The following SERTM1 variants were observed in gnomAD, a reference collection of about 807,000 sequenced individuals.
The protein encoded by SERTM1 is serine rich and transmembrane domain containing 1, also known as serine-rich and transmembrane domain-containing protein 1.
Under a neutral mutation model 5.5 loss-of-function variants are expected in SERTM1, and 1 was observed. The observed-to-expected ratio is 0.18, with a 90% CI of 0.06 to 0.86. SERTM1 has a LOEUF of 0.86. SERTM1 is among the 40% of genes least tolerant of loss of function. The pLI, the probability that SERTM1 is intolerant of heterozygous loss-of-function variation, is 0.69. For missense variants in SERTM1, 91 were observed against 122.4 expected (o/e 0.74, Z 1.21); for synonymous variants, 52 against 55.1 (o/e 0.94, Z 0.25).
intron 1 of SERTM1, among the ~76,000 whole-genome samples, chr13:36,676,986 A>G (rs1215854016): frequency 6.6e-6 from 1 of 152,096 alleles, no homozygotes; most frequent in African/African-American, 2.4e-5. Context: ...CCAACCTTTG[A>G]TTTAGAATTC....
chr13:36,695,452 C>A lies in SERTM1; in HGVS notation c.*50C>A, dbSNP rs376924386. Reference sequence around the variant, plus strand: ...TGGCAGCAGTTTTGACATCCCCTTACGGAAGTGTCCCGTGAGGCATTGCCT... The same window carrying A: ...TGGCAGCAGTTTTGACATCCCCTTAAGGAAGTGTCCCGTGAGGCATTGCCT... On this transcript the variant is annotated 3_prime_UTR_variant, in exon 2 of 2. Coordinates refer to ENST00000315190, the MANE Select transcript of SERTM1 (RefSeq NM_203451.3). 9 of 1,382,030 alleles carry A rather than the reference C, an allele frequency of 6.5e-6. No homozygotes were observed. The South Asian group carries it at 8.8e-5, about 14-fold the overall frequency. 85.6% of individuals were successfully genotyped at this position (1,382,030 alleles called of 1,614,324 possible). A position where few individuals can be genotyped will look rare whatever the true frequency, so the allele number is the denominator to read the frequency against.
intron 1 of SERTM1, among the ~76,000 whole-genome samples, chr13:36,687,090 A>T (rs111710038): frequency 0.01 from 1,562 of 152,302 alleles, 27 homozygotes; most frequent in African/African-American, 0.036. Context: ...TATGCCAAAC[A>T]CTTGGCTAAT....
chr13:36,686,104 G>A (rs1272579882), intron 1 of SERTM1, among the ~76,000 whole-genome samples: 1 of 152,188 alleles, frequency 6.6e-6, no homozygotes, highest in African/African-American at 2.4e-5. Context: ...GGTGGTGGCA[G>A]GAGTAGAATT....
At chr13:36,680,068 C>A (rs1474006790) in intron 1 of SERTM1, among the ~76,000 whole-genome samples, 1 of 152,028 alleles carries the variant, frequency 6.6e-6, no homozygotes, top group Non-Finnish European at 1.5e-5. Flanking sequence ...TTCAAATATT[C>A]CAAAATCCAA....
At chr13:36,686,023 T>A (rs2056738773) in intron 1 of SERTM1, among the ~76,000 whole-genome samples, 1 of 152,216 alleles carries the variant, frequency 6.6e-6, no homozygotes, top group South Asian at 2.1e-4. Flanking sequence ...CCTCTGAAGA[T>A]GACTGATGAT....
intron 1 of SERTM1, among the ~76,000 whole-genome samples, chr13:36,678,661 C>T (rs1160396462): frequency 8.1e-6 from 1 of 124,000 alleles, no homozygotes; most frequent in Non-Finnish European, 1.8e-5. Context: ...TATCCTGGAA[C>T]TTAAAATAAA....
In SERTM1 at chr13:36,696,068, T is replaced by C. The variant is rs1221534008; in HGVS notation, c.*666T>C. On this transcript the variant is annotated 3_prime_UTR_variant, in exon 2 of 2. Transcript: ENST00000315190. Reference sequence around the variant, plus strand: ...TATGATGGAGCTTGTGATGTATTTCTGCCTCCTGGAGTTTTATTTTGTTTT... The same window carrying C: ...TATGATGGAGCTTGTGATGTATTTCCGCCTCCTGGAGTTTTATTTTGTTTT... 6.0e-6 allele frequency: 1 copy of C among 167,038 alleles called. No individual in the cohort carries two copies. The highest frequency in any genetic ancestry group is 1.5e-5 in the Non-Finnish European group (1 of 68,142). 10.3% of individuals were successfully genotyped at this position (167,038 alleles called of 1,614,324 possible). A position where few individuals can be genotyped will look rare whatever the true frequency, so the allele number is the denominator to read the frequency against.
intron 1 of SERTM1, among the ~76,000 whole-genome samples, chr13:36,689,023 C>CAT (rs10646593): frequency 0.04 from 6,102 of 152,124 alleles, 438 homozygotes; most frequent in African/African-American, 0.14. Flanking sequence ...TTGTAAACAC[C>CAT]ATAAAAGAAT....
Position 36,696,884 on chromosome 13 carries a change from T to C in SERTM1, c.*1482T>C, listed in dbSNP as rs1000924065. On this transcript the variant is annotated 3_prime_UTR_variant, in exon 2 of 2. Coordinates refer to ENST00000315190, the MANE Select transcript of SERTM1 (RefSeq NM_203451.3). ...TTTAATCATCTTAAGCAGTGGGGCTTCAACACACCGTTTGGTTAGATTGTG... is the reference window on the plus strand; with the variant it reads ...TTTAATCATCTTAAGCAGTGGGGCTCCAACACACCGTTTGGTTAGATTGTG... 5 of 167,152 alleles carry C rather than the reference T, an allele frequency of 3.0e-5. No individual in the cohort carries two copies. Among genetic ancestry groups the C allele is most frequent in the African/African-American group, 1.2e-4 (5 of 41,564 alleles). The allele number at this position is 167,152 out of a possible 1,614,324, so 10.4% of individuals were successfully genotyped here. A position where few individuals can be genotyped will look rare whatever the true frequency, so the allele number is the denominator to read the frequency against.
At chr13:36,692,642 T>C (rs1366345842) in intron 1 of SERTM1, among the ~76,000 whole-genome samples, 1 of 152,228 alleles carries the variant, frequency 6.6e-6, no homozygotes, top group Non-Finnish European at 1.5e-5. Flanking sequence ...GAAAATGTTA[T>C]CACATCTTAA....
intron 1 of SERTM1, among the ~76,000 whole-genome samples, chr13:36,688,726 C>T (rs1364848683): frequency 2.0e-5 from 3 of 152,128 alleles, no homozygotes; most frequent in Non-Finnish European, 4.4e-5. Flanking sequence ...CTTGAAAAGC[C>T]AATCTTTTTT....
intron 1 of SERTM1, among the ~76,000 whole-genome samples, chr13:36,678,181 C>T (rs2056681292): frequency 6.6e-6 from 1 of 152,034 alleles, no homozygotes; most frequent in Non-Finnish European, 1.5e-5. Flanking sequence ...TTTCTGATGT[C>T]AATACACATT....
In SERTM1 at chr13:36,681,164, A is replaced by G. The variant is rs187570679; in HGVS notation, c.-174+6980A>G. Reference sequence around the variant, plus strand: ...AGTCCATGCACCAGCGCCCATTTGAATTATTACTTATTCGTCATGAGATAC... The same window carrying G: ...AGTCCATGCACCAGCGCCCATTTGAGTTATTACTTATTCGTCATGAGATAC... On this transcript the variant is annotated intron_variant, in intron 1 of 1. Transcript: ENST00000315190. Among the ~76,000 whole-genome samples the G allele has an allele frequency of 3.6e-3, 552 of 152,328 alleles. 3 individuals are homozygous for G. Among genetic ancestry groups the G allele is most frequent in the Non-Finnish European group, 5.1e-3 (346 of 68,040 alleles).
chr13:36,685,635 ACT>A (rs902134535), intron 1 of SERTM1, among the ~76,000 whole-genome samples: 2 of 152,086 alleles, frequency 1.3e-5, no homozygotes, highest in East Asian at 1.9e-4. Context: ...ATGACAAAAG[ACT>A]CTGCCCTGGA....
chr13:36,677,925 A>C (rs1415335723), intron 1 of SERTM1, among the ~76,000 whole-genome samples: 1 of 152,214 alleles, frequency 6.6e-6, no homozygotes, highest in Admixed American at 6.5e-5. Context: ...CTCCAAGTAC[A>C]TTTAACCCCT....
At chr13:36,683,333 G>A (rs1205111543) in intron 1 of SERTM1, among the ~76,000 whole-genome samples, 2 of 152,122 alleles carry the variant, frequency 1.3e-5, no homozygotes, top group African/African-American at 2.4e-5. Flanking sequence ...TCTCACCAGT[G>A]CCAAAATAGA....
chr13:36,679,860 A>G (rs548342955), intron 1 of SERTM1, among the ~76,000 whole-genome samples: 1 of 152,334 alleles, frequency 6.6e-6, no homozygotes, highest in Admixed American at 6.5e-5. Flanking sequence ...AATAACCACA[A>G]ATTGTTCACA....
chr13:36,677,037 G>C (rs552992210), intron 1 of SERTM1, among the ~76,000 whole-genome samples: 5 of 152,078 alleles, frequency 3.3e-5, no homozygotes, highest in African/African-American at 9.7e-5. Context: ...TTCAGGAGCC[G>C]GGCAACAGTC....
intron 1 of SERTM1, among the ~76,000 whole-genome samples, chr13:36,690,122 C>T (rs777332904): frequency 6.6e-6 from 1 of 152,154 alleles, no homozygotes; most frequent in Non-Finnish European, 1.5e-5. Context: ...TATCTTTTGT[C>T]TCACATCACC....
Sources: allele counts gnomAD v4.1 joint callset (sites outside exome capture counted in the v4.1 genomes callset), GRCh38; gene constraint gnomAD v4.1.1; transcripts MANE v1.5; gene names NCBI Gene and HGNC (gene_info 2026-07-23, HGNC 2026-07-21).